ADGRL3: variants seen among roughly 807,000 people sequenced by gnomAD.
ADGRL3 encodes adhesion G protein-coupled receptor L3, also known as calcium-independent alpha-latrotoxin receptor 3.
In ADGRL3, 62 loss-of-function variants were observed where a neutral mutation model predicts 153.5. The ratio of observed to expected loss-of-function variants is 0.40; its 90% CI spans 0.33 to 0.50. The LOEUF (loss-of-function observed/expected upper bound fraction) is 0.50. ADGRL3 is among the 20% of genes least tolerant of loss of function. ADGRL3 has a pLI of 0.47. For missense variants in ADGRL3, 1,641 were observed against 1,859.4 expected (o/e 0.88, Z 2.16); for synonymous variants, 710 against 672.5 (o/e 1.06, Z -0.86).
chr4:61,721,892 C>G (rs1460249803), intron 6 of ADGRL3, among the ~76,000 whole-genome samples: 1 of 151,914 alleles, frequency 6.6e-6, no homozygotes, highest in African/African-American at 2.4e-5. Flanking sequence ...TGATAGAAAG[C>G]CTGAAAAACA....
chr4:62,077,928 G>A lies in ADGRL3; in HGVS notation c.*7020G>A, dbSNP rs1747665000. On this transcript the variant is annotated 3_prime_UTR_variant, in exon 27 of 27. Coordinates refer to ENST00000683033, the MANE Select transcript of ADGRL3 (RefSeq NM_001387552.1). ...TAGAAAATCAAGATTTGTAGAGTCA[G>A]GTTGATTTGCCTTCATTTAATTCCT... is the stretch of plus-strand genomic sequence containing the variant. 6.6e-6 allele frequency: 1 copy of A among 151,918 alleles called. No homozygotes were observed. The highest frequency in any genetic ancestry group is 6.6e-5 in the Admixed American group (1 of 15,230). The allele number at this position is 151,918 out of a possible 1,614,324, so 9.4% of individuals were successfully genotyped here.
At chr4:61,732,602 A>G (rs1277644075) in intron 7 of ADGRL3, among the ~76,000 whole-genome samples, 152 bp from the exon 8 acceptor site, 3 of 152,178 alleles carry the variant, frequency 2.0e-5, no homozygotes, top group African/African-American at 7.2e-5. Context: ...ATTAATGTGG[A>G]AGAATACTTT....
At chr4:61,770,162 T>A (rs537695279) in intron 8 of ADGRL3, among the ~76,000 whole-genome samples, 1 of 152,314 alleles carries the variant, frequency 6.6e-6, no homozygotes, top group East Asian at 1.9e-4. Flanking sequence ...TACATTTGTA[T>A]CCAAATTGTA....
At chr4:61,214,480 G>A (rs1204512728) in intron 1 of ADGRL3, among the ~76,000 whole-genome samples, 1 of 152,164 alleles carries the variant, frequency 6.6e-6, no homozygotes, top group Non-Finnish European at 1.5e-5. Flanking sequence ...TGAAAAGTAG[G>A]AGCAAATTAT....
At chr4:62,006,032 A>ATATTT (rs1203029363) in intron 21 of ADGRL3, among the ~76,000 whole-genome samples, 1,138 of 72,822 alleles carry the variant, frequency 0.016, 29 homozygotes, top group Non-Finnish European at 0.023. Context: ...ATATATATAT[A>ATATTT]TTTTTTTTTT....
intron 4 of ADGRL3, among the ~76,000 whole-genome samples, chr4:61,518,861 G>C (rs1304473077): frequency 6.6e-6 from 1 of 152,066 alleles, no homozygotes; most frequent in Non-Finnish European, 1.5e-5. Context: ...TTCCCTTTCT[G>C]TTTTATTTGT....
chr4:61,483,937 G>C (rs2098161205), intron 2 of ADGRL3, among the ~76,000 whole-genome samples: 1 of 150,350 alleles, frequency 6.7e-6, no homozygotes, highest in Non-Finnish European at 1.5e-5. Flanking sequence ...TTTAATTATG[G>C]GCATATAAAT....
Position 61,456,458 on chromosome 4 carries a change from T to G in ADGRL3, c.-173-40663T>G, listed in dbSNP as rs190121917. On this transcript the variant is annotated intron_variant, in intron 2 of 26. Transcript: ENST00000683033. ...ATATATAGATATATCTATATCTATATATATAGATATATCTATATCTATATA... is the reference window on the plus strand; with the variant it reads ...ATATATAGATATATCTATATCTATAGATATAGATATATCTATATCTATATA... 1.5e-3 allele frequency among the ~76,000 whole-genome samples: 194 copies of G among 126,598 alleles called. 2 individuals carry two copies. Among genetic ancestry groups the G allele is most frequent in the African/African-American group, 2.6e-3 (85 of 32,922 alleles). The allele number at this position is 126,598 out of a possible 152,430, so 83.1% of individuals were successfully genotyped here.
At chr4:62,033,349 A>C (rs1390119976) in intron 23 of ADGRL3, among the ~76,000 whole-genome samples, 1 of 151,814 alleles carries the variant, frequency 6.6e-6, no homozygotes, top group African/African-American at 2.4e-5. Context: ...TTAGTCAGAA[A>C]GAGAAGAAAT....
At chr4:61,919,908 A>G (rs2098760892) in intron 13 of ADGRL3, among the ~76,000 whole-genome samples, 1 of 152,194 alleles carries the variant, frequency 6.6e-6, no homozygotes, top group South Asian at 2.1e-4. Flanking sequence ...GTTTGTATAT[A>G]CATGGTTTGT....
intron 4 of ADGRL3, among the ~76,000 whole-genome samples, chr4:61,561,097 T>C (rs111509435): frequency 3.3e-5 from 5 of 152,170 alleles, no homozygotes; most frequent in Admixed American, 2.0e-4. Flanking sequence ...TGCAAAATCT[T>C]ATATCAGATT....
At chr4:61,924,816 T>G (rs2098787515) in intron 13 of ADGRL3, among the ~76,000 whole-genome samples, 2 of 152,204 alleles carry the variant, frequency 1.3e-5, no homozygotes, top group Admixed American at 1.3e-4. Context: ...TCTGTACCAT[T>G]CTATTTGAAA....
Position 61,935,938 on chromosome 4 carries a change from G to C in ADGRL3, c.2312G>C (p.Arg771Thr). ...ATATTAACAGAATTGGAAGTTGCAA[G>C]ACTGAGCACAGAAGGAAACTTAGAA... ...NTDNIKLEVA[R>T]LSTEGNLEDL... Residue 771 changes from arginine (R) to threonine (T), a missense_variant, in exon 15 of 27, where the codon AGA becomes ACA. Transcript: ENST00000683033. 6.3e-7 allele frequency: 1 copy of C among 1,594,726 alleles called. No homozygotes were observed. The highest frequency in any genetic ancestry group is 8.5e-7 in the Non-Finnish European group (1 of 1,169,682).
chr4:61,419,831 G>T (rs528565542), intron 2 of ADGRL3, among the ~76,000 whole-genome samples: 2 of 145,262 alleles, frequency 1.4e-5, no homozygotes, highest in African/African-American at 5.1e-5. Flanking sequence ...TTTTGCTCTC[G>T]TCACCTAGGC....
chr4:61,582,300 C>G (rs529204036), intron 4 of ADGRL3, among the ~76,000 whole-genome samples: 1 of 151,922 alleles, frequency 6.6e-6, no homozygotes, highest in South Asian at 2.1e-4. Context: ...AGGTATTAAG[C>G]CGTGCATGCT....
At chr4:61,937,820 C>T (rs538355537) in intron 15 of ADGRL3, among the ~76,000 whole-genome samples, 35 of 152,108 alleles carry the variant, frequency 2.3e-4, no homozygotes, top group African/African-American at 6.0e-4. Context: ...AACCTTCAGA[C>T]GAAAAGCTGT....
intron 1 of ADGRL3, among the ~76,000 whole-genome samples, chr4:61,247,062 A>G (rs1757387204): frequency 6.6e-6 from 1 of 152,118 alleles, no homozygotes. Flanking sequence ...TTAAAGGAAG[A>G]GAAATAATTT....
rs190482036 is a variant in ADGRL3 at position 61,780,209 on chromosome 4, G to A, written c.1400-33600G>A. The stretch of plus-strand genomic sequence containing the variant: ...TGTTTTGTGTCCTCACAGAATTACT[G>A]CCTGTATGGTTGACAGAGAAGAGCA... On this transcript the variant is annotated intron_variant, in intron 8 of 26. Coordinates refer to ENST00000683033, the MANE Select transcript of ADGRL3 (RefSeq NM_001387552.1). Among the ~76,000 whole-genome samples, 91 of 152,306 alleles carry A rather than the reference G, an allele frequency of 6.0e-4. 1 individual carries two copies. The highest frequency in any genetic ancestry group is 2.9e-3 in the South Asian group (14 of 4,828).
chr4:61,647,121 C>T (rs545868422), intron 5 of ADGRL3, among the ~76,000 whole-genome samples: 2 of 152,094 alleles, frequency 1.3e-5, no homozygotes, highest in South Asian at 2.1e-4. Context: ...GGCAATGCCT[C>T]GCCCTGCTTC....
Sources: allele counts gnomAD v4.1 joint callset (sites outside exome capture counted in the v4.1 genomes callset), GRCh38; gene constraint gnomAD v4.1.1; transcripts MANE v1.5; gene names NCBI Gene and HGNC (gene_info 2026-07-23, HGNC 2026-07-21).